COG4: variants seen among roughly 807,000 people sequenced by gnomAD.
COG4 encodes component of oligomeric golgi complex 4, also known as conserved oligomeric Golgi complex subunit 4.
A neutral mutation model predicts 95.1 loss-of-function variants in COG4; 65 were observed. The ratio of observed to expected loss-of-function variants is 0.68; its 90% CI spans 0.56 to 0.84. The LOEUF (loss-of-function observed/expected upper bound fraction) is 0.84. COG4 is among the 40% of genes least tolerant of loss of function. COG4 has a pLI of 0.00. For missense variants in COG4, 1,045 were observed against 989.1 expected, an observed-to-expected ratio of 1.06 and a Z score of -0.76; for synonymous variants, 421 against 374.8, an observed-to-expected ratio of 1.12 and a Z score of -1.42.
chr16:70,520,051 C>T (rs773400292), intron 1 of COG4, among the ~76,000 whole-genome samples: 21 of 152,106 alleles, frequency 1.4e-4, no homozygotes, highest in Non-Finnish European at 2.2e-4. Context: ...AAAGTAATCC[C>T]AGCTCTTTGG....
chr16:70,482,385 T>G, intron 15 of COG4: 1 of 638,396 alleles, frequency 1.6e-6, no homozygotes, highest in Non-Finnish European at 2.8e-6. Flanking sequence ...CCACATAACA[T>G]GGTAAAGTTC....
chr16:70,515,008 C>T (rs937565218), intron 3 of COG4, among the ~76,000 whole-genome samples: 1 of 143,360 alleles, frequency 7.0e-6, no homozygotes, highest in East Asian at 2.0e-4. Flanking sequence ...GTCACAGAGC[C>T]CAACTTTTTT....
rs146132602 is a variant in COG4 at position 70,495,443 on chromosome 16, GT to G, written c.1647+822del. Among the ~76,000 whole-genome samples the G allele has an allele frequency of 6.0e-3, 905 of 149,918 alleles. 10 individuals carry two copies. Among genetic ancestry groups the G allele is most frequent in the African/African-American group, 0.021 (846 of 40,070 alleles). On this transcript the variant is annotated intron_variant, in intron 12 of 18. Coordinates refer to ENST00000323786, the MANE Select transcript of COG4 (RefSeq NM_015386.3). The stretch of plus-strand genomic sequence containing the variant: ...CTGATAAAAGCTAAGGAAGGACCCT[GT>G]GACCCAAAAATGCATGTGAACATTT...
Position 70,481,776 on chromosome 16 carries a change from G to A in COG4, c.2094C>T (p.Ser698=). The change falls in exon 17 of 19, where the codon TCC becomes TCT. Residue 698 remains serine (S), a synonymous_variant. Transcript: ENST00000323786. The part of the protein sequence containing the change: ...AVELEKVVLK[S]TFNRLGGLQF... ...CCCTTTACCTTACCCGGTTAAAGGT[G>A]GATTTCAGCACCACTTTCTCCAACT... The A allele has an allele frequency of 6.2e-7, 1 of 1,613,888 alleles. No homozygotes were observed. The highest frequency in any genetic ancestry group is 1.1e-5 in the South Asian group (1 of 91,046).
At chr16:70,520,602 A>C (rs1022732530) in intron 1 of COG4, among the ~76,000 whole-genome samples, 1 of 145,248 alleles carries the variant, frequency 6.9e-6, no homozygotes, top group African/African-American at 2.9e-5. Flanking sequence ...ATTTCACTCC[A>C]ACCTGGGTAA....
intron 1 of COG4, among the ~76,000 whole-genome samples, chr16:70,520,893 G>A (rs559668735): frequency 6.6e-6 from 1 of 152,192 alleles, no homozygotes; most frequent in East Asian, 1.9e-4. Flanking sequence ...GAGTCAAACA[G>A]GAAACCACAC....
intron 12 of COG4, 51 bp downstream of exon 12, chr16:70,496,215 C>T (rs377490069): frequency 8.1e-6 from 13 of 1,599,566 alleles, no homozygotes; most frequent in Admixed American, 5.0e-5. Context: ...GCAGTGATAG[C>T]GTAACCTCTC....
intron 8 of COG4, among the ~76,000 whole-genome samples, chr16:70,507,340 G>T (rs1293062109): frequency 1.3e-5 from 2 of 151,776 alleles, no homozygotes; most frequent in Non-Finnish European, 2.9e-5. Flanking sequence ...TGTTTCTATG[G>T]TACAGTACAT....
intron 12 of COG4, among the ~76,000 whole-genome samples, chr16:70,491,657 T>G (rs181440689): frequency 2.9e-4 from 43 of 147,648 alleles, no homozygotes; most frequent in Admixed American, 1.7e-3. Context: ...ACCCCGTCTC[T>G]ACTAAAAATA....
intron 5 of COG4, among the ~76,000 whole-genome samples, chr16:70,510,754 T>C (rs949846245): frequency 1.5e-4 from 23 of 151,378 alleles, no homozygotes; most frequent in Non-Finnish European, 2.2e-4. Context: ...AAAAGTACCA[T>C]AGAGCAGGTT....
chr16:70,481,386 C>G lies in COG4; in HGVS notation c.2208G>C (p.Gln736His). 3.7e-6 allele frequency: 6 copies of G among 1,613,328 alleles called. No homozygotes were observed. The highest frequency in any genetic ancestry group is 5.1e-6 in the Non-Finnish European group (6 of 1,179,980). The change falls in exon 18 of 19, where the codon CAG (glutamine) becomes CAC (histidine). Residue 736 changes from glutamine (Q) to histidine (H), a missense_variant. Physicochemically the swap from Gln to His is conservative, Grantham distance 24. Transcript: ENST00000323786. ...GCTCCAGATTGAGGATGGTGGCCATCTGGGAGAGCCGGGCAAACTTGTCTC... is the reference window on the plus strand; with the variant it reads ...GCTCCAGATTGAGGATGGTGGCCATGTGGGAGAGCCGGGCAAACTTGTCTC... ...TIRDKFARLSQMATILNLERV... is the reference protein window; with the variant it reads ...TIRDKFARLSHMATILNLERV...
In COG4 at chr16:70,497,203, A is replaced by G; in HGVS notation, c.1481+18T>C. 1 of 1,613,528 alleles carries G rather than the reference A, an allele frequency of 6.2e-7. No individual in the cohort carries two copies. The highest frequency in any genetic ancestry group is 1.1e-5 in the South Asian group (1 of 91,076). On this transcript the variant is annotated intron_variant, in intron 11 of 18. Coordinates refer to ENST00000323786, the MANE Select transcript of COG4 (RefSeq NM_015386.3). ...AAGGGCCTTTCTGCCTAGAAAGGAG[A>G]AAGGGAGTCAACTGTACCTGAAGTC...
At chr16:70,497,879 T>C in intron 10 of COG4, 58 bp downstream of exon 10, 2 of 993,102 alleles carry the variant, frequency 2.0e-6, no homozygotes, top group Non-Finnish European at 3.3e-6. Context: ...GCCATTTCCC[T>C]CAGCCTGGCT....
chr16:70,486,177 G>A (rs915317805), intron 13 of COG4, among the ~76,000 whole-genome samples: 1 of 152,206 alleles, frequency 6.6e-6, no homozygotes, highest in Admixed American at 6.5e-5. Flanking sequence ...TTACAGGCGT[G>A]AGCCACCGCG....
At chr16:70,522,812 A>T (rs1314008165) in intron 1 of COG4, among the ~76,000 whole-genome samples, 1 of 152,234 alleles carries the variant, frequency 6.6e-6, no homozygotes, top group African/African-American at 2.4e-5. Context: ...CAAGGGTACC[A>T]GAGATGAAGT....
intron 4 of COG4, among the ~76,000 whole-genome samples, 189 bp downstream of exon 4, chr16:70,514,146 G>A (rs1002277857): frequency 4.6e-5 from 7 of 151,866 alleles, no homozygotes; most frequent in Admixed American, 3.9e-4. Context: ...GAAGGCGGAG[G>A]TTGCAGTAAG....
At chr16:70,500,814 C>A in intron 9 of COG4, 144 bp downstream of exon 9, 1 of 942,218 alleles carries the variant, frequency 1.1e-6, no homozygotes, top group Non-Finnish European at 1.7e-6. Flanking sequence ...ATTTAGATTT[C>A]TTCCTGGGAG....
intron 12 of COG4, among the ~76,000 whole-genome samples, chr16:70,490,895 A>T (rs1006351849): frequency 1.3e-5 from 2 of 151,800 alleles, no homozygotes; most frequent in Non-Finnish European, 2.9e-5. Context: ...TCCTGACCTC[A>T]TGATCTGCCC....
At chr16:70,486,106 A>G (rs1045285669) in intron 13 of COG4, among the ~76,000 whole-genome samples, 3 of 151,324 alleles carry the variant, frequency 2.0e-5, no homozygotes, top group Non-Finnish European at 4.4e-5. Context: ...CGTGTTAGCC[A>G]GGATGGTCTC....
Sources: allele counts gnomAD v4.1 joint callset (sites outside exome capture counted in the v4.1 genomes callset), GRCh38; gene constraint gnomAD v4.1.1; transcripts MANE v1.5; gene names NCBI Gene and HGNC (gene_info 2026-07-23, HGNC 2026-07-21).